TBC1D23: variants seen among roughly 807,000 people sequenced by gnomAD.
TBC1D23 encodes HCV non-structural protein 4A-transactivated protein 1.
A neutral mutation model predicts 91.4 loss-of-function variants in TBC1D23; 55 were observed. The observed-to-expected ratio is 0.60, with a 90% confidence interval of 0.48 to 0.75. TBC1D23 has a LOEUF of 0.75. Among genes scored for constraint, TBC1D23 ranks in the 30% least tolerant of loss-of-function variants. TBC1D23 has a pLI of 0.00. For synonymous variants in TBC1D23, 289 were observed against 281.0 expected (o/e 1.03, Z -0.28); for missense variants, 725 against 836.1 (o/e 0.87, Z 1.64).
chr3:100,292,020 C>T (rs1469414669), intron 5 of TBC1D23, among the ~76,000 whole-genome samples: 2 of 152,272 alleles, frequency 1.3e-5, no homozygotes, highest in East Asian at 3.9e-4. Context: ...TCACTTCAGC[C>T]TCCCAAAGTG....
rs182996425 is a variant in TBC1D23 at position 100,265,859 on chromosome 3, T to G, written c.53+4788T>G. ...AATCTGAGATGTGAGTAGGAATTGT[T>G]TGAGAATAATATTTTTCAAAGTTTT... is the stretch of plus-strand genomic sequence containing the variant. On this transcript the variant is annotated intron_variant, in intron 1 of 18. Coordinates refer to ENST00000394144, the MANE Select transcript of TBC1D23 (RefSeq NM_001199198.3). Among the ~76,000 whole-genome samples, 270 of 152,278 alleles carry G rather than the reference T, an allele frequency of 1.8e-3. 2 individuals are homozygous for G. Among genetic ancestry groups the G allele is most frequent in the African/African-American group, 6.0e-3 (250 of 41,572 alleles).
chr3:100,316,123 G>A lies in TBC1D23; in HGVS notation c.1623G>A (p.Val541=), dbSNP rs1210960754. Residue 541 remains valine (V), a synonymous_variant, in exon 16 of 19, where the codon GTG becomes GTA. Coordinates refer to ENST00000394144, the MANE Select transcript of TBC1D23 (RefSeq NM_001199198.3). ...GGCATGTGAGCAGCAGTGACAGAGT[G>A]GGCAAGCCTTACCGTGGCGTAAAGC... ...TERHVSSSDR[V]GKPYRGVKPV... is the part of the protein sequence containing the mutation. The A allele has an allele frequency of 6.2e-7, 1 of 1,613,880 alleles. No homozygotes were observed. The highest frequency in any genetic ancestry group is 8.5e-7 in the Non-Finnish European group (1 of 1,179,888).
intron 10 of TBC1D23, 112 bp from the exon 11 acceptor site, chr3:100,301,955 T>G: frequency 1.4e-6 from 1 of 727,188 alleles, no homozygotes. Flanking sequence ...TTCCCCTTCA[T>G]TTTCATTGTG....
intron 1 of TBC1D23, among the ~76,000 whole-genome samples, chr3:100,272,954 C>T (rs904736761): frequency 1.3e-5 from 2 of 152,136 alleles, no homozygotes; most frequent in African/African-American, 2.4e-5. Context: ...TGCCCAGGGA[C>T]GGGCAGGAGA....
At position 100,306,343 on chromosome 3, in the gene TBC1D23, A is replaced by G. The variant is rs1262123471; in HGVS notation, c.1307-94A>G. The G allele has an allele frequency of 4.4e-6, 3 of 687,860 alleles. No homozygotes were observed. The African/African-American group carries it at 5.4e-5, about 12-fold the overall frequency. The allele number at this position is 687,860 out of a possible 1,614,324, so 42.6% of individuals were successfully genotyped here. ...TTATTTCCTTCAGTCCTTTTTTCTC[A>G]GCTGTGACATGTTTATTGTATTTCG... On this transcript the variant is annotated intron_variant, in intron 12 of 18. Coordinates refer to ENST00000394144, the MANE Select transcript of TBC1D23 (RefSeq NM_001199198.3).
chr3:100,276,682 T>C (rs981034041), intron 1 of TBC1D23, among the ~76,000 whole-genome samples: 9 of 152,196 alleles, frequency 5.9e-5, no homozygotes, highest in Admixed American at 3.9e-4. Flanking sequence ...AATGCTTAGA[T>C]TAGGTGATTT....
chr3:100,264,895 G>C (rs2067545629), intron 1 of TBC1D23, among the ~76,000 whole-genome samples: 1 of 152,128 alleles, frequency 6.6e-6, no homozygotes, highest in Non-Finnish European at 1.5e-5. Context: ...TGCTCTCCAG[G>C]TAACTGTGAT....
chr3:100,286,918 C>T (rs1429281188), intron 4 of TBC1D23, among the ~76,000 whole-genome samples: 2 of 151,860 alleles, frequency 1.3e-5, no homozygotes, highest in Non-Finnish European at 2.9e-5. Flanking sequence ...CAGATTCAAG[C>T]GATTCTCCTG....
intron 12 of TBC1D23, among the ~76,000 whole-genome samples, 155 bp downstream of exon 12, chr3:100,305,043 G>A (rs1338513129): frequency 6.6e-6 from 1 of 152,126 alleles, no homozygotes; most frequent in Non-Finnish European, 1.5e-5. Flanking sequence ...AGGACTTACA[G>A]ATAACAGACA....
intron 16 of TBC1D23, among the ~76,000 whole-genome samples, chr3:100,317,709 A>G (rs552639620): frequency 7.5e-6 from 1 of 133,834 alleles, no homozygotes; most frequent in African/African-American, 2.9e-5. Context: ...AACTCTCTGA[A>G]TATCTCAACT....
In TBC1D23 at chr3:100,281,564, C is replaced by T. The variant is rs191827418; in HGVS notation, c.166-178C>T. Among the ~76,000 whole-genome samples the T allele has an allele frequency of 4.7e-3, 710 of 152,218 alleles. 2 individuals carry two copies. Among genetic ancestry groups the T allele is most frequent in the Non-Finnish European group, 6.4e-3 (432 of 68,012 alleles). ...TGAAGAAATATCTAATGTAGGAGGA[C>T]TTAAAATAATTCTGCTGGTTGTGAC... On this transcript the variant is annotated intron_variant, in intron 2 of 18. Transcript: ENST00000394144.
At position 100,276,001 on chromosome 3, in the gene TBC1D23, G is replaced by C. The variant is rs138933998; in HGVS notation, c.54-3648G>C. ...AAATCAGCGGTTGGCAGAGACTGGG[G>C]TCAGGGTAGGAGGTGCTGGTGGGGA... On this transcript the variant is annotated intron_variant, in intron 1 of 18. Coordinates refer to ENST00000394144, the MANE Select transcript of TBC1D23 (RefSeq NM_001199198.3). Among the ~76,000 whole-genome samples, 42 of 152,120 alleles carry C rather than the reference G, an allele frequency of 2.8e-4. No homozygotes were observed. In the East Asian group the frequency reaches 7.0e-3, roughly 25 times the overall value.
chr3:100,285,483 T>C (rs1217356090), intron 4 of TBC1D23, among the ~76,000 whole-genome samples: 2 of 152,268 alleles, frequency 1.3e-5, no homozygotes, highest in African/African-American at 2.4e-5. Flanking sequence ...TATTCATCAG[T>C]TGATGGATAT....
At chr3:100,273,827 A>G (rs189607829) in intron 1 of TBC1D23, among the ~76,000 whole-genome samples, 18 of 152,336 alleles carry the variant, frequency 1.2e-4, no homozygotes, top group African/African-American at 3.8e-4. Context: ...AGAAAATTGA[A>G]ACTGGATCCC....
chr3:100,315,388 C>T (rs1474035190), intron 15 of TBC1D23, among the ~76,000 whole-genome samples: 1 of 151,938 alleles, frequency 6.6e-6, no homozygotes, highest in African/African-American at 2.4e-5. Flanking sequence ...TCTTGAACTC[C>T]CGACCTCAGG....
chr3:100,269,518 A>G (rs571507174), intron 1 of TBC1D23, among the ~76,000 whole-genome samples: 1 of 152,346 alleles, frequency 6.6e-6, no homozygotes, highest in Admixed American at 6.5e-5. Flanking sequence ...TGAATGTGCT[A>G]TCATACTATT....
At chr3:100,278,307 G>T (rs945669036) in intron 1 of TBC1D23, among the ~76,000 whole-genome samples, 1 of 151,806 alleles carries the variant, frequency 6.6e-6, no homozygotes, top group African/African-American at 2.4e-5. Context: ...TTAAAAATTT[G>T]TACAGATTTT....
intron 5 of TBC1D23, 90 bp downstream of exon 5, chr3:100,290,791 A>G (rs1029870037): frequency 7.2e-5 from 84 of 1,166,964 alleles, no homozygotes; most frequent in Non-Finnish European, 9.7e-5. Flanking sequence ...GAAGAGAAAG[A>G]AAAGTCCTAA....
intron 1 of TBC1D23, among the ~76,000 whole-genome samples, chr3:100,262,571 A>G (rs1454407987): frequency 6.6e-6 from 1 of 151,990 alleles, no homozygotes; most frequent in Non-Finnish European, 1.5e-5. Context: ...CTAAGAATAT[A>G]AAAATTAGCC....
Sources: gnomAD v4.1 joint callset for allele counts (sites outside exome capture counted in the v4.1 genomes callset) on GRCh38, gnomAD v4.1.1 for gene constraint, MANE v1.5 for transcripts, NCBI Gene and HGNC (gene_info 2026-07-23, HGNC 2026-07-21) for gene names.